Variants in CXCL13 observed in about 807,000 individuals in gnomAD.
CXCL13 encodes the protein C-X-C motif chemokine 13.
In CXCL13, 7 loss-of-function variants were observed where a neutral mutation model predicts 12.2. The ratio of observed to expected loss-of-function variants is 0.57; its 90% CI spans 0.33 to 1.07. The LOEUF (loss-of-function observed/expected upper bound fraction) is 1.07, where lower values mean the gene tolerates loss of function less well. CXCL13 is among the 50% of genes least tolerant of loss of function. CXCL13 has a pLI of 0.04. For synonymous variants in CXCL13, 47 were observed against 42.4 expected (o/e 1.11, Z -0.42); for missense variants, 113 against 127.4 (o/e 0.89, Z 0.55).
intron 1 of CXCL13, among the ~76,000 whole-genome samples, chr4:77,552,048 A>G (rs1234286025): frequency 1.3e-5 from 2 of 152,128 alleles, no homozygotes; most frequent in Non-Finnish European, 2.9e-5. Flanking sequence ...TGAACTTCCT[A>G]ACAATCTATC....
At chr4:77,581,394 A>C (rs761238492) in intron 1 of CXCL13, among the ~76,000 whole-genome samples, 25 of 152,338 alleles carry the variant, frequency 1.6e-4, no homozygotes, top group Non-Finnish European at 2.6e-4. Context: ...CAGTTGTCAA[A>C]GTTTAAAAAT....
At chr4:77,594,340 G>A (rs993077307) in intron 1 of CXCL13, among the ~76,000 whole-genome samples, 3 of 152,144 alleles carry the variant, frequency 2.0e-5, no homozygotes, top group East Asian at 3.9e-4. Flanking sequence ...CCAGGGCAAA[G>A]GTCCTGGTAG....
chr4:77,598,757 C>T (rs936449969), intron 1 of CXCL13, among the ~76,000 whole-genome samples: 125 of 152,182 alleles, frequency 8.2e-4, no homozygotes, highest in African/African-American at 2.7e-3. Context: ...GGTGAGGTGT[C>T]GCCCAACTCT....
At chr4:77,577,371 T>A (rs574828313) in intron 1 of CXCL13, among the ~76,000 whole-genome samples, 3 of 152,212 alleles carry the variant, frequency 2.0e-5, no homozygotes, top group Admixed American at 6.5e-5. Context: ...CCAAGACACA[T>A]TTTTGGTCCC....
At chr4:77,587,273 C>G (rs946248759) in intron 1 of CXCL13, among the ~76,000 whole-genome samples, 1 of 152,294 alleles carries the variant, frequency 6.6e-6, no homozygotes, top group Non-Finnish European at 1.5e-5. Flanking sequence ...TTCTCCCCAC[C>G]ACCATCCCCT....
At chr4:77,546,619 T>C (rs898815062) in intron 1 of CXCL13, among the ~76,000 whole-genome samples, 1 of 152,290 alleles carries the variant, frequency 6.6e-6, no homozygotes, top group South Asian at 2.1e-4. Context: ...TTATTGCATC[T>C]ATTTGATTCT....
Position 77,577,342 on chromosome 4 carries a change from G to A in CXCL13, c.-42-28482G>A, listed in dbSNP as rs183851896. The stretch of plus-strand genomic sequence containing the variant: ...CACCTTAGCATTTGGATTATAATAA[G>A]GAGTTCATCCAACCCCCACCAAGAC... On this transcript the variant is annotated intron_variant, in intron 1 of 4. Coordinates refer to the CXCL13 transcript ENST00000286758. 5.3e-5 allele frequency among the ~76,000 whole-genome samples: 8 copies of A among 152,090 alleles called. 1 individual carries two copies. The highest frequency in any genetic ancestry group is 4.6e-4 in the Admixed American group (7 of 15,280).
intron 1 of CXCL13, among the ~76,000 whole-genome samples, chr4:77,574,101 G>A (rs1726153623): frequency 1.3e-5 from 2 of 152,014 alleles, no homozygotes; most frequent in South Asian, 2.1e-4. Flanking sequence ...TTTTTAAGAG[G>A]CGTATGGTTA....
chr4:77,553,794 T>C (rs1270500985), intron 1 of CXCL13, among the ~76,000 whole-genome samples: 1 of 152,242 alleles, frequency 6.6e-6, no homozygotes, highest in African/African-American at 2.4e-5. Context: ...TGAAAGCCTC[T>C]AATCCACCAT....
chr4:77,541,569 A>G (rs1036103617), intron 1 of CXCL13, among the ~76,000 whole-genome samples: 2 of 152,054 alleles, frequency 1.3e-5, no homozygotes, highest in Non-Finnish European at 1.5e-5. Context: ...CCATTGGTCT[A>G]TGTGTCTGTT....
chr4:77,578,602 G>T (rs1726247038), intron 1 of CXCL13, among the ~76,000 whole-genome samples: 1 of 152,064 alleles, frequency 6.6e-6, no homozygotes. Context: ...ATGTGTGGTG[G>T]CCTGGAATCA....
chr4:77,523,274 A>T (rs1478285561), intron 1 of CXCL13, among the ~76,000 whole-genome samples: 1 of 152,192 alleles, frequency 6.6e-6, no homozygotes, highest in African/African-American at 2.4e-5. Flanking sequence ...ATGTTGGGGA[A>T]GTTCTCCTGG....
At chr4:77,531,929 C>T (rs1044416491) in intron 1 of CXCL13, among the ~76,000 whole-genome samples, 7 of 152,114 alleles carry the variant, frequency 4.6e-5, no homozygotes, top group African/African-American at 1.7e-4. Context: ...TATTTTGAGC[C>T]TATGTGTGTC....
At chr4:77,535,614 C>T (rs1725040573) in intron 1 of CXCL13, among the ~76,000 whole-genome samples, 1 of 152,060 alleles carries the variant, frequency 6.6e-6, no homozygotes. Flanking sequence ...CATCCACCTG[C>T]TTCTTGGTGA....
intron 1 of CXCL13, among the ~76,000 whole-genome samples, chr4:77,563,053 T>TTC (rs1408996530): frequency 2.8e-4 from 43 of 152,248 alleles, no homozygotes; most frequent in African/African-American, 9.9e-4. Context: ...CCGCACTGCC[T>TTC]TTATGAGCTG....
chr4:77,545,677 A>G (rs139414570), intron 1 of CXCL13, among the ~76,000 whole-genome samples: 7 of 152,318 alleles, frequency 4.6e-5, no homozygotes, highest in African/African-American at 1.7e-4. Context: ...TAAATATACA[A>G]TCACATCATC....
intron 1 of CXCL13, among the ~76,000 whole-genome samples, chr4:77,545,846 C>A (rs1725349142): frequency 6.6e-6 from 1 of 152,156 alleles, no homozygotes; most frequent in Non-Finnish European, 1.5e-5. Context: ...GGGAATGCTT[C>A]CAGTTTTTGT....
intron 1 of CXCL13, among the ~76,000 whole-genome samples, chr4:77,580,235 T>G (rs1460677849): frequency 6.9e-6 from 1 of 143,962 alleles, no homozygotes; most frequent in Non-Finnish European, 1.5e-5. Context: ...CTTTTAAACC[T>G]ACAATTTTAT....
At position 77,530,162 on chromosome 4, in the gene CXCL13, T is replaced by C. The variant is rs182608006; in HGVS notation, c.-43+18374T>C. Among the ~76,000 whole-genome samples, 169 of 152,318 alleles carry C rather than the reference T, an allele frequency of 1.1e-3. 6 individuals carry two copies. In the East Asian group the frequency reaches 0.029, roughly 26 times the overall value. On this transcript the variant is annotated intron_variant, in intron 1 of 4. Transcript: ENST00000286758. ...TGGTGGATAAGCTTCTTGATGTGCT[T>C]CTGGATTCAGTTTGCCAGTATTTTA...
Sources: gnomAD v4.1 joint callset for allele counts (sites outside exome capture counted in the v4.1 genomes callset) on GRCh38, gnomAD v4.1.1 for gene constraint, MANE v1.5 for transcripts, NCBI Gene and HGNC (gene_info 2026-07-23, HGNC 2026-07-21) for gene names.